Variants in MS4A12 observed in about 807,000 individuals in gnomAD.
MS4A12 encodes the protein membrane spanning 4-domains A12, also known as membrane-spanning 4-domains subfamily A member 12.
A neutral mutation model predicts 23.7 loss-of-function variants in MS4A12; 28 were observed. The ratio of observed to expected loss-of-function variants is 1.18; its 90% CI spans 0.88 to 1.62. The LOEUF (loss-of-function observed/expected upper bound fraction) is 1.62. Among genes scored for constraint, MS4A12 ranks in the 40% most tolerant of loss-of-function variants. The pLI, the probability that MS4A12 is intolerant of heterozygous loss-of-function variation, is 0.00. For missense variants in MS4A12, 342 were observed against 327.0 expected (o/e 1.05, Z -0.35); for synonymous variants, 108 against 110.1 (o/e 0.98, Z 0.12).
At chr11:60,504,004 C>T (rs1360818560) in intron 5 of MS4A12, among the ~76,000 whole-genome samples, 187 bp downstream of exon 5, 3 of 152,120 alleles carry the variant, frequency 2.0e-5, no homozygotes, top group African/African-American at 4.8e-5. Flanking sequence ...ACAGATAGAC[C>T]GAGGCTTAAA....
In MS4A12 at chr11:60,500,172, C is replaced by T. The variant is rs533731256; in HGVS notation, c.277-873C>T. On this transcript the variant is annotated intron_variant, in intron 2 of 6. Coordinates refer to ENST00000016913, the MANE Select transcript of MS4A12 (RefSeq NM_017716.3). ...AGGAGAATGGTGTGAACCCGGGAGG[C>T]GGAGCTTGCAGTGAGCCGAGATCAT... is the stretch of plus-strand genomic sequence containing the variant. 4.2e-4 allele frequency among the ~76,000 whole-genome samples: 62 copies of T among 149,020 alleles called. 1 individual carries two copies. The East Asian group carries it at 9.2e-3, about 22-fold the overall frequency.
Position 60,503,808 on chromosome 11 carries a change from C to T in MS4A12, c.579C>T (p.Tyr193=). The T allele has an allele frequency of 1.2e-6, 2 of 1,613,254 alleles. No homozygotes were observed. Among genetic ancestry groups the T allele is most frequent in the Non-Finnish European group, 1.7e-6 (2 of 1,179,366 alleles). ...MCINGVAGQD[Y]WAVLSGKGIS... Reference sequence around the variant, plus strand: ...TCAATGGGGTAGCTGGCCAAGACTACTGGGCCGTGGTAAGTATCCCATACT... The same window carrying T: ...TCAATGGGGTAGCTGGCCAAGACTATTGGGCCGTGGTAAGTATCCCATACT... The change falls in exon 5 of 7, where the codon TAC becomes TAT. Residue 193 remains tyrosine, a synonymous_variant. Coordinates refer to ENST00000016913, the MANE Select transcript of MS4A12 (RefSeq NM_017716.3).
At chr11:60,494,734 T>C (rs1360326244) in intron 1 of MS4A12, among the ~76,000 whole-genome samples, 2 of 152,168 alleles carry the variant, frequency 1.3e-5, no homozygotes, top group Non-Finnish European at 1.5e-5. Flanking sequence ...CTTCTGTCAT[T>C]TTACAGTTGA....
intron 4 of MS4A12, among the ~76,000 whole-genome samples, chr11:60,503,328 G>A (rs1249846420): frequency 6.6e-6 from 1 of 152,176 alleles, no homozygotes; most frequent in Non-Finnish European, 1.5e-5. Flanking sequence ...GGCTGTAAGA[G>A]TTGAGATAAT....
Position 60,507,026 on chromosome 11 carries a change from C to T in MS4A12, c.706C>T (p.Leu236=), listed in dbSNP as rs777213684. Residue 236 remains leucine (L), a synonymous_variant, in exon 7 of 7, where the codon CTG becomes TTG. Transcript: ENST00000016913. The part of the protein sequence containing the change: ...QANTTTNMSV[L]VIPNMYESNP... Reference sequence around the variant, plus strand: ...TTTTATTCATTCTTTCCAGTCTGTCCTGGTTATTCCAAATATGTATGAAAG... The same window carrying T: ...TTTTATTCATTCTTTCCAGTCTGTCTTGGTTATTCCAAATATGTATGAAAG... 1.4e-5 allele frequency: 22 copies of T among 1,612,194 alleles called. No individual in the cohort carries two copies. The highest frequency in any genetic ancestry group is 1.9e-5 in the Non-Finnish European group (22 of 1,178,382).
At chr11:60,502,336 T>C (rs1352268177) in intron 4 of MS4A12, among the ~76,000 whole-genome samples, 4 of 152,226 alleles carry the variant, frequency 2.6e-5, no homozygotes, top group Non-Finnish European at 5.9e-5. Context: ...GGTCACACTC[T>C]ATTATGGGAA....
intron 5 of MS4A12, among the ~76,000 whole-genome samples, chr11:60,505,550 CA>C (rs1228065787): frequency 6.6e-6 from 1 of 151,936 alleles, no homozygotes; most frequent in Non-Finnish European, 1.5e-5. Flanking sequence ...AACTGGCATC[CA>C]AGTAGAGAAA....
At chr11:60,501,962 T>C (rs374018746) in intron 3 of MS4A12, 21 bp from the exon 4 acceptor site, 1 of 1,599,724 alleles carries the variant, frequency 6.3e-7, no homozygotes, top group Non-Finnish European at 8.6e-7. Context: ...ATTTCACAAA[T>C]AAATTTGTCC....
intron 1 of MS4A12, among the ~76,000 whole-genome samples, chr11:60,495,423 C>T (rs1000913051): frequency 3.3e-5 from 5 of 151,470 alleles, no homozygotes; most frequent in Non-Finnish European, 7.4e-5. Context: ...TAAATTCTCT[C>T]ATTGTGAAAT....
chr11:60,494,888 C>T (rs1039935471), intron 1 of MS4A12, among the ~76,000 whole-genome samples: 5 of 152,194 alleles, frequency 3.3e-5, no homozygotes, highest in African/African-American at 1.2e-4. Context: ...ACCTCACATT[C>T]TCAAATGCTA....
chr11:60,498,893 G>T (rs559811228), intron 2 of MS4A12, among the ~76,000 whole-genome samples: 1 of 152,122 alleles, frequency 6.6e-6, no homozygotes, highest in African/African-American at 2.4e-5. Flanking sequence ...TTGAAGAACC[G>T]GGAGGAGGCC....
At chr11:60,506,868 T>A (rs977520180) in intron 6 of MS4A12, 30 bp downstream of exon 6, 1 of 1,588,688 alleles carries the variant, frequency 6.3e-7, no homozygotes. Context: ...TGTAAAATAA[T>A]CTGAAAATGC....
Position 60,497,585 on chromosome 11 carries a change from G to T in MS4A12, c.267G>T (p.Lys89Asn), listed in dbSNP as rs1439979578. The T allele has an allele frequency of 1.9e-6, 3 of 1,613,912 alleles. No individual in the cohort carries two copies. The highest frequency in any genetic ancestry group is 1.7e-5 in the Admixed American group (1 of 60,030). The change falls in exon 2 of 7, where the codon AAG (lysine) becomes AAT (asparagine). Residue 89 changes from lysine to asparagine, a missense_variant. Physicochemically the swap from Lys to Asn is moderately conservative, Grantham distance 94. Coordinates refer to ENST00000016913, the MANE Select transcript of MS4A12 (RefSeq NM_017716.3). ...TAVMNFKEEA[K>N]ALGVIQIMVG... ...TAATGAACTTTAAAGAAGAAGCAAA[G>T]GCACTAGGGGTAAGTCTATTTACTA...
chr11:60,493,464 C>T (rs948370745), intron 1 of MS4A12, among the ~76,000 whole-genome samples: 7 of 151,158 alleles, frequency 4.6e-5, no homozygotes, highest in Non-Finnish European at 7.4e-5. Context: ...CCCAAAAGGA[C>T]GAGGCCATGC....
At chr11:60,497,112 A>G (rs903682018) in intron 1 of MS4A12, among the ~76,000 whole-genome samples, 2 of 152,180 alleles carry the variant, frequency 1.3e-5, no homozygotes, top group Non-Finnish European at 2.9e-5. Context: ...CAGGTTTCCA[A>G]CAGACCACAG....
intron 4 of MS4A12, among the ~76,000 whole-genome samples, chr11:60,502,952 A>C (rs12291656): frequency 0.08 from 12,110 of 152,208 alleles, 752 homozygotes; most frequent in African/African-American, 0.17. Context: ...AGCCACTGAC[A>C]CATACCTAAG....
intron 1 of MS4A12, among the ~76,000 whole-genome samples, chr11:60,496,670 T>C (rs1170942466): frequency 6.6e-6 from 1 of 152,244 alleles, no homozygotes; most frequent in African/African-American, 2.4e-5. Flanking sequence ...ACCACAAATG[T>C]AGTGGCTTAA....
chr11:60,502,727 G>A (rs1025061511), intron 4 of MS4A12, among the ~76,000 whole-genome samples: 10 of 151,994 alleles, frequency 6.6e-5, no homozygotes, highest in African/African-American at 2.2e-4. Flanking sequence ...AAGAAGAACG[G>A]GGAAAGAGGA....
At chr11:60,499,175 G>T (rs1217409659) in intron 2 of MS4A12, among the ~76,000 whole-genome samples, 1 of 152,162 alleles carries the variant, frequency 6.6e-6, no homozygotes, top group East Asian at 1.9e-4. Flanking sequence ...GCAGGCCCTG[G>T]GCATCATGAC....
Sources: allele counts gnomAD v4.1 joint callset (sites outside exome capture counted in the v4.1 genomes callset), GRCh38; gene constraint gnomAD v4.1.1; transcripts MANE v1.5; gene names NCBI Gene and HGNC (gene_info 2026-07-23, HGNC 2026-07-21).